The following ATRNL1 variants were observed in gnomAD, a reference collection of about 807,000 sequenced individuals.
The protein encoded by ATRNL1 is attractin-like protein 1.
A neutral mutation model predicts 182.7 loss-of-function variants in ATRNL1; 95 were observed. The observed-to-expected ratio is 0.52, with a 90% CI of 0.44 to 0.62. ATRNL1 has a LOEUF of 0.62. Ranked by LOEUF, ATRNL1 falls within the 20% of genes least tolerant of loss-of-function variation. ATRNL1 has a pLI of 0.00. For synonymous variants in ATRNL1, 576 were observed against 568.3 expected, an observed-to-expected ratio of 1.01 and a Z score of -0.19; for missense variants, 1,471 against 1,679.5, an observed-to-expected ratio of 0.88 and a Z score of 2.17.
At chr10:115,373,948 ATTC>A (rs1188731467) in intron 19 of ATRNL1, among the ~76,000 whole-genome samples, 1 of 151,916 alleles carries the variant, frequency 6.6e-6, no homozygotes, top group Non-Finnish European at 1.5e-5. Context: ...ATTAATATTT[ATTC>A]TTCTTTAAAC....
intron 20 of ATRNL1, among the ~76,000 whole-genome samples, chr10:115,424,416 T>C (rs1592637373): frequency 6.6e-6 from 1 of 152,208 alleles, no homozygotes; most frequent in East Asian, 1.9e-4. Flanking sequence ...TATGTTTCAG[T>C]AATCTCACTA....
intron 13 of ATRNL1, among the ~76,000 whole-genome samples, chr10:115,269,819 T>A (rs1419963901): frequency 6.6e-6 from 1 of 152,046 alleles, no homozygotes; most frequent in Non-Finnish European, 1.5e-5. Context: ...AAGTAAAAAA[T>A]TTGATTGTAT....
chr10:115,561,765 C>G (rs992521799), intron 26 of ATRNL1, among the ~76,000 whole-genome samples: 3 of 149,614 alleles, frequency 2.0e-5, no homozygotes, highest in Non-Finnish European at 4.4e-5. Flanking sequence ...AGATGCTCAA[C>G]AATGTTAGCA....
intron 19 of ATRNL1, among the ~76,000 whole-genome samples, chr10:115,357,905 C>A (rs543795397): frequency 9.9e-5 from 15 of 151,624 alleles, no homozygotes; most frequent in African/African-American, 3.6e-4. Flanking sequence ...CTCTCTCCAT[C>A]CCTATCTTAG....
chr10:115,824,131 A>G (rs1555091263), intron 27 of ATRNL1, among the ~76,000 whole-genome samples: 1 of 152,202 alleles, frequency 6.6e-6, no homozygotes, highest in African/African-American at 2.4e-5. Flanking sequence ...CCACACCTCT[A>G]CAACCATCTG....
chr10:115,790,562 G>C (rs1555081539), intron 27 of ATRNL1, among the ~76,000 whole-genome samples: 1 of 151,600 alleles, frequency 6.6e-6, no homozygotes, highest in Non-Finnish European at 1.5e-5. Flanking sequence ...ATGTAAATTT[G>C]AGTGAGGGTA....
At chr10:115,305,787 G>A (rs1444482914) in intron 17 of ATRNL1, among the ~76,000 whole-genome samples, 1 of 152,144 alleles carries the variant, frequency 6.6e-6, no homozygotes, top group Non-Finnish European at 1.5e-5. Flanking sequence ...ATAGAGTAAG[G>A]CAAAAGTGTA....
chr10:115,508,612 T>C (rs1472584281), intron 24 of ATRNL1, among the ~76,000 whole-genome samples: 1 of 152,014 alleles, frequency 6.6e-6, no homozygotes, highest in Non-Finnish European at 1.5e-5. Flanking sequence ...AAAGTTTTAG[T>C]TGTCCGAATA....
At chr10:115,159,124 A>G (rs963522821) in intron 5 of ATRNL1, among the ~76,000 whole-genome samples, 23 of 151,792 alleles carry the variant, frequency 1.5e-4, no homozygotes, top group African/African-American at 5.3e-4. Flanking sequence ...CAATATTATC[A>G]TATTCAGTAA....
At chr10:115,171,854 C>T (rs1431175511) in intron 8 of ATRNL1, among the ~76,000 whole-genome samples, 1 of 151,944 alleles carries the variant, frequency 6.6e-6, no homozygotes, top group Non-Finnish European at 1.5e-5. Flanking sequence ...TTTTCTGGTA[C>T]TTCATTTTTT....
At chr10:115,692,725 G>T (rs1555048560) in intron 26 of ATRNL1, among the ~76,000 whole-genome samples, 1 of 151,760 alleles carries the variant, frequency 6.6e-6, no homozygotes. Flanking sequence ...TATTTAGAAT[G>T]CATTTTAACC....
At chr10:115,097,588 C>T (rs548642750) in intron 1 of ATRNL1, among the ~76,000 whole-genome samples, 23 of 152,114 alleles carry the variant, frequency 1.5e-4, no homozygotes, top group Non-Finnish European at 2.6e-4. Flanking sequence ...TAGACAAAAA[C>T]GGGCAGAATA....
At chr10:115,623,480 A>G (rs1452591991) in intron 26 of ATRNL1, among the ~76,000 whole-genome samples, 1 of 152,188 alleles carries the variant, frequency 6.6e-6, no homozygotes, top group Non-Finnish European at 1.5e-5. Context: ...TGAAGTATGG[A>G]AAAAGCACTA....
At chr10:115,942,984 T>C (rs776902840) in intron 28 of ATRNL1, among the ~76,000 whole-genome samples, 3 of 152,236 alleles carry the variant, frequency 2.0e-5, no homozygotes, top group Non-Finnish European at 4.4e-5. Context: ...CTGTCCATCA[T>C]TGGACAAACA....
intron 8 of ATRNL1, among the ~76,000 whole-genome samples, chr10:115,201,816 T>G (rs1848592039): frequency 6.6e-6 from 1 of 152,212 alleles, no homozygotes; most frequent in African/African-American, 2.4e-5. Context: ...ATAAATTACC[T>G]TGGGCAGTAT....
intron 19 of ATRNL1, among the ~76,000 whole-genome samples, chr10:115,368,693 T>A (rs566375739): frequency 1.3e-5 from 2 of 151,812 alleles, no homozygotes; most frequent in South Asian, 4.2e-4. Context: ...ATTCTAACTC[T>A]CTGCTTTTGT....
intron 27 of ATRNL1, among the ~76,000 whole-genome samples, chr10:115,815,415 A>ATGTGTGTGTGTGTG (rs367551845): frequency 1.5e-3 from 221 of 143,040 alleles, no homozygotes; most frequent in South Asian, 5.5e-3. Flanking sequence ...GTGTGTGTGT[A>ATGTGTGTGTGTGTG]TGTGTGTGTG....
chr10:115,452,490 C>T (rs549669619), intron 21 of ATRNL1, among the ~76,000 whole-genome samples: 86 of 151,930 alleles, frequency 5.7e-4, no homozygotes, highest in African/African-American at 2.0e-3. Context: ...TTGTTTGTTC[C>T]TGTGCCATTT....
chr10:115,622,521 A>C (rs12261137), intron 26 of ATRNL1, among the ~76,000 whole-genome samples: 3 of 152,174 alleles, frequency 2.0e-5, no homozygotes, highest in African/African-American at 7.2e-5. Flanking sequence ...ATCTTTATCT[A>C]TGTTTTGTTG....
Sources: gnomAD v4.1 joint callset for allele counts (sites outside exome capture counted in the v4.1 genomes callset) on GRCh38, gnomAD v4.1.1 for gene constraint, MANE v1.5 for transcripts, NCBI Gene and HGNC (gene_info 2026-07-23, HGNC 2026-07-21) for gene names.